The following GUCY2C variants were observed in gnomAD, a reference collection of about 807,000 sequenced individuals.
The protein encoded by GUCY2C is guanylate cyclase 2C.
GUCY2C carries 118 observed loss-of-function variants against 131.1 expected under a neutral mutation model. The ratio of observed to expected loss-of-function variants is 0.90; its 90% CI spans 0.78 to 1.05. The LOEUF is 1.05. Among genes scored for constraint, GUCY2C ranks in the 50% least tolerant of loss-of-function variants. The pLI, the probability that GUCY2C is intolerant of heterozygous loss-of-function variation, is 0.00. For missense variants in GUCY2C, 1,161 were observed against 1,304.4 expected (o/e 0.89, Z 1.69); for synonymous variants, 452 against 457.8 (o/e 0.99, Z 0.16).
intron 15 of GUCY2C, among the ~76,000 whole-genome samples, chr12:14,650,172 AAT>A (rs1278065739): frequency 1.3e-5 from 2 of 152,182 alleles, no homozygotes; most frequent in African/African-American, 4.8e-5. Context: ...ATTGATATTT[AAT>A]AGTTTCCTTT....
intron 15 of GUCY2C, 123 bp from the exon 16 acceptor site, chr12:14,645,438 T>G: frequency 1.7e-6 from 1 of 598,510 alleles, no homozygotes; most frequent in Non-Finnish European, 3.0e-6. Flanking sequence ...AAATTGGAAT[T>G]CCATTGTCTG....
Position 14,616,677 on chromosome 12 carries a change from C to T in GUCY2C, c.2926G>A (p.Glu976Lys). ...GSTIAILKRT[E>K]CQFLYEVRGE... ...CTCACTTCATAAAGGAACTGGCACT[C>T]AGTTCTCTTCAGGATGGCTATGGTG... is the stretch of plus-strand genomic sequence containing the variant. Residue 976 changes from glutamate (E) to lysine (K), a missense_variant, in exon 25 of 27, where the codon GAG becomes AAG. Coordinates refer to ENST00000261170, the MANE Select transcript of GUCY2C (RefSeq NM_004963.4). 1 of 1,608,080 alleles carries T rather than the reference C, an allele frequency of 6.2e-7. No homozygotes were observed. The highest frequency in any genetic ancestry group is 8.5e-7 in the Non-Finnish European group (1 of 1,174,638).
At chr12:14,641,354 G>T in intron 17 of GUCY2C, 135 bp from the exon 18 acceptor site, 1 of 889,982 alleles carries the variant, frequency 1.1e-6, no homozygotes. Flanking sequence ...GCCTTGAATT[G>T]ATATGATTCC....
chr12:14,648,858 G>A (rs954029065), intron 15 of GUCY2C, among the ~76,000 whole-genome samples: 1 of 152,162 alleles, frequency 6.6e-6, no homozygotes, highest in Admixed American at 6.6e-5. Context: ...CATTAATACA[G>A]ATGAAGTCAG....
At chr12:14,667,702 TAAG>T (rs1948010013) in intron 10 of GUCY2C, among the ~76,000 whole-genome samples, 1 of 152,102 alleles carries the variant, frequency 6.6e-6, no homozygotes, top group South Asian at 2.1e-4. Flanking sequence ...TTTTTGAAAA[TAAG>T]AAACTAATAC....
chr12:14,657,597 A>G (rs1485121007), intron 11 of GUCY2C, among the ~76,000 whole-genome samples: 1 of 152,000 alleles, frequency 6.6e-6, no homozygotes, highest in Admixed American at 6.6e-5. Context: ...CCTGAGCTCC[A>G]CCTCCTGTCA....
chr12:14,681,742 C>G (rs776867402), intron 4 of GUCY2C, among the ~76,000 whole-genome samples: 33 of 152,166 alleles, frequency 2.2e-4, no homozygotes, highest in Non-Finnish European at 3.5e-4. Flanking sequence ...TAAACACACT[C>G]TAAGCAATTT....
At chr12:14,643,761 ATTATTTT>A in intron 16 of GUCY2C, 55 bp from the exon 17 acceptor site, 1 of 1,525,942 alleles carries the variant, frequency 6.6e-7, no homozygotes, top group Admixed American at 1.8e-5. Context: ...CAGCTGCTTG[ATTATTTT>A]AAAGAAAAAA....
In GUCY2C at chr12:14,628,744, G is replaced by GAA. The variant is rs3217210; in HGVS notation, c.2158-9_2158-8dup. On this transcript the variant is annotated splice_region_variant and splice_polypyrimidine_tract_variant and intron_variant, in intron 19 of 26. Transcript: ENST00000261170. Reference sequence around the variant, plus strand: ...TTTTTACAAGTAGGTACACCTGGAAGAAAAAAAAACGGGCAAATTAGCTAA... The same window carrying GAA: ...TTTTTACAAGTAGGTACACCTGGAAGAAAAAAAAAAACGGGCAAATTAGCTAA... 12,214 of 1,304,044 alleles carry GAA rather than the reference G, an allele frequency of 9.4e-3. 19 individuals are homozygous for GAA. Among genetic ancestry groups the GAA allele is most frequent in the African/African-American group, 0.031 (2,023 of 65,986 alleles). The allele number at this position is 1,304,044 out of a possible 1,614,324, so 80.8% of individuals were successfully genotyped here.
At chr12:14,627,062 G>A (rs1947034436) in intron 20 of GUCY2C, among the ~76,000 whole-genome samples, 1 of 152,184 alleles carries the variant, frequency 6.6e-6, no homozygotes, top group Non-Finnish European at 1.5e-5. Flanking sequence ...ACAGCTTTGT[G>A]TGACACTGGG....
chr12:14,686,371 G>T, intron 2 of GUCY2C, 146 bp from the exon 3 acceptor site: 1 of 644,352 alleles, frequency 1.6e-6, no homozygotes, highest in East Asian at 2.7e-5. Context: ...AGGGTGCCTT[G>T]GTCTGGACAA....
chr12:14,674,766 TA>T lies in GUCY2C; in HGVS notation c.949-7del. ...AGAGCAAAGTCTCGTTTTGTCTAAA[TA>T]AAAAAGGAAAATATTAAAACGGGTC... On this transcript the variant is annotated splice_region_variant and splice_polypyrimidine_tract_variant and intron_variant, in intron 7 of 26. Coordinates refer to ENST00000261170, the MANE Select transcript of GUCY2C (RefSeq NM_004963.4). The T allele has an allele frequency of 6.3e-7, 1 of 1,593,836 alleles. No individual in the cohort carries two copies. Among genetic ancestry groups the T allele is most frequent in the African/African-American group, 1.4e-5 (1 of 73,734 alleles).
chr12:14,635,368 G>C (rs1459710463), intron 19 of GUCY2C, among the ~76,000 whole-genome samples: 1 of 152,068 alleles, frequency 6.6e-6, no homozygotes, highest in Non-Finnish European at 1.5e-5. Context: ...AATAACCATT[G>C]AGTCGATAAA....
chr12:14,654,673 T>A (rs1352634536), intron 12 of GUCY2C, among the ~76,000 whole-genome samples: 3 of 152,162 alleles, frequency 2.0e-5, no homozygotes, highest in Non-Finnish European at 4.4e-5. Context: ...TGTTTTGGGC[T>A]TACTCCAAAA....
In GUCY2C at chr12:14,689,596, C is replaced by T. The variant is rs1240821550; in HGVS notation, c.218-1533G>A. 1.3e-5 allele frequency among the ~76,000 whole-genome samples: 2 copies of T among 152,128 alleles called. 1 individual carries two copies. Among genetic ancestry groups the T allele is most frequent in the South Asian group, 4.1e-4 (2 of 4,828 alleles). On this transcript the variant is annotated intron_variant, in intron 1 of 26. Transcript: ENST00000261170. ...CAAAAGCTTTATTGAGTTTGTCTTACCAGAGTCCCATATGCAGTAAATAGT... is the reference window on the plus strand; with the variant it reads ...CAAAAGCTTTATTGAGTTTGTCTTATCAGAGTCCCATATGCAGTAAATAGT...
chr12:14,621,305 A>C, intron 22 of GUCY2C, 89 bp from the exon 23 acceptor site: 2 of 1,177,668 alleles, frequency 1.7e-6, no homozygotes, highest in Non-Finnish European at 2.5e-6. Flanking sequence ...CAAACACAAA[A>C]AGTGATTTGG....
chr12:14,615,046 G>A (rs756301960), intron 25 of GUCY2C, 103 bp from the exon 26 acceptor site: 38 of 580,564 alleles, frequency 6.5e-5, no homozygotes, highest in Non-Finnish European at 1.0e-4. Context: ...TTTCACTTCC[G>A]CATTTCTCAT....
At position 14,686,210 on chromosome 12, in the gene GUCY2C, C is replaced by T; in HGVS notation, c.346G>A (p.Gly116Ser). ...CATGAGGGCCCTATGAGGACACAGC[C>T]CATCCGTTGTGCATTCTGTAGGAGA... The part of the protein sequence containing the change: ...LRKISNAQRM[G>S]CVLIGPSCTY... Residue 116 changes from glycine to serine, a missense_variant, in exon 3 of 27, where the codon GGC (glycine) becomes AGC (serine). Coordinates refer to ENST00000261170, the MANE Select transcript of GUCY2C (RefSeq NM_004963.4). 1 of 1,607,002 alleles carries T rather than the reference C, an allele frequency of 6.2e-7. No individual in the cohort carries two copies. Among genetic ancestry groups the T allele is most frequent in the Non-Finnish European group, 8.5e-7 (1 of 1,173,688 alleles).
chr12:14,681,239 A>G lies in GUCY2C; in HGVS notation c.733+117T>C, dbSNP rs1285966293. On this transcript the variant is annotated intron_variant, in intron 5 of 26. Coordinates refer to ENST00000261170, the MANE Select transcript of GUCY2C (RefSeq NM_004963.4). ...TTATAGATCTCCCAAAATATACAAA[A>G]TATGTATGAGTAAGGATGATAGCTC... 4.7e-6 allele frequency: 4 copies of G among 849,952 alleles called. No individual in the cohort carries two copies. The South Asian group carries it at 5.3e-5, about 11-fold the overall frequency. The allele number at this position is 849,952 out of a possible 1,614,324, so 52.7% of individuals were successfully genotyped here.
Sources: gnomAD v4.1 joint callset for allele counts (sites outside exome capture counted in the v4.1 genomes callset) on GRCh38, gnomAD v4.1.1 for gene constraint, MANE v1.5 for transcripts, NCBI Gene and HGNC (gene_info 2026-07-23, HGNC 2026-07-21) for gene names.